Variants in EDIL3 observed in about 807,000 individuals in gnomAD.
EDIL3 encodes the protein EGF-like repeat and discoidin I-like domain-containing protein 3.
Under a neutral mutation model 67.4 loss-of-function variants are expected in EDIL3, and 37 were observed. The ratio of observed to expected loss-of-function variants is 0.55; its 90% confidence interval spans 0.42 to 0.72. The LOEUF (loss-of-function observed/expected upper bound fraction) is 0.72. Among genes scored for constraint, EDIL3 ranks in the 30% least tolerant of loss-of-function variants. The pLI is 0.00. For missense variants in EDIL3, 527 were observed against 586.3 expected (o/e 0.90, Z 1.04); for synonymous variants, 195 against 196.3 (o/e 0.99, Z 0.05).
At position 84,160,739 on chromosome 5, in the gene EDIL3, TCTTTTCTTTCCTTTCCTTTCCTTTC is replaced by T. The variant is rs1748588322; in HGVS notation, c.355+19629_355+19653del. On this transcript the variant is annotated intron_variant, in intron 4 of 10. Transcript: ENST00000296591. ...TTTCATTTTCTTCTTTTTTTTCTTTTCTTTTCTTTCCTTTCCTTTCCTTTCCTTTCCTTTCCTTTCCTTTCCTTTC... is the reference window on the plus strand; with the variant it reads ...TTTCATTTTCTTCTTTTTTTTCTTTTCTTTCCTTTCCTTTCCTTTCCTTTC... Among the ~76,000 whole-genome samples, 4 of 120,540 alleles carry T rather than the reference TCTTTTCTTTCCTTTCCTTTCCTTTC, an allele frequency of 3.3e-5. 1 individual carries two copies. The highest frequency in any genetic ancestry group is 5.8e-5 in the African/African-American group (2 of 34,754). 79.1% of individuals were successfully genotyped at this position (120,540 alleles called of 152,430 possible).
chr5:84,315,876 C>T (rs1746502430), intron 1 of EDIL3, among the ~76,000 whole-genome samples: 1 of 152,124 alleles, frequency 6.6e-6, no homozygotes, highest in South Asian at 2.1e-4. Context: ...TCAAGTTACC[C>T]ACAAAGGGAA....
intron 6 of EDIL3, among the ~76,000 whole-genome samples, chr5:84,098,859 C>A (rs1747312345): frequency 6.6e-6 from 1 of 152,040 alleles, no homozygotes; most frequent in Non-Finnish European, 1.5e-5. Flanking sequence ...ACTAGGGAAC[C>A]AAGAGCAAAC....
intron 3 of EDIL3, among the ~76,000 whole-genome samples, chr5:84,201,504 G>A (rs79561946): frequency 0.01 from 1,585 of 152,004 alleles, 33 homozygotes; most frequent in African/African-American, 0.036. Context: ...TGTTTTTCTG[G>A]GTCAGAAAGC....
intron 4 of EDIL3, among the ~76,000 whole-genome samples, chr5:84,157,027 A>C (rs1460308749): frequency 6.6e-6 from 1 of 152,276 alleles, no homozygotes; most frequent in East Asian, 1.9e-4. Flanking sequence ...TTCATGCCAG[A>C]AATTAACCAT....
chr5:84,139,113 T>G (rs1748143923), intron 4 of EDIL3, among the ~76,000 whole-genome samples: 2 of 152,208 alleles, frequency 1.3e-5, no homozygotes, highest in African/African-American at 4.8e-5. Flanking sequence ...GGCGTGTGCC[T>G]ATAATCCCAG....
At chr5:84,045,579 T>A (rs529429338) in intron 9 of EDIL3, among the ~76,000 whole-genome samples, 1 of 152,172 alleles carries the variant, frequency 6.6e-6, no homozygotes, top group Non-Finnish European at 1.5e-5. Flanking sequence ...ACCTAGAAGC[T>A]GCAAGCAGAT....
intron 5 of EDIL3, among the ~76,000 whole-genome samples, chr5:84,136,498 G>C (rs1165158644): frequency 6.6e-6 from 1 of 151,678 alleles, no homozygotes; most frequent in Non-Finnish European, 1.5e-5. Context: ...TAGGTAAGTG[G>C]TGCTTTCTGC....
At chr5:84,331,098 T>G (rs1422659595) in intron 1 of EDIL3, among the ~76,000 whole-genome samples, 2 of 152,214 alleles carry the variant, frequency 1.3e-5, no homozygotes, top group Admixed American at 6.5e-5. Context: ...ATGGGCGTAT[T>G]TACCAAATGC....
chr5:84,224,018 T>G (rs1744400610), intron 3 of EDIL3, among the ~76,000 whole-genome samples: 1 of 151,344 alleles, frequency 6.6e-6, no homozygotes, highest in African/African-American at 2.4e-5. Flanking sequence ...CAGTTCCACT[T>G]GTAGTATTAA....
Position 84,201,816 on chromosome 5 carries a change from C to T in EDIL3, c.227-21295G>A, listed in dbSNP as rs149463098. 2.0e-5 allele frequency among the ~76,000 whole-genome samples: 3 copies of T among 152,004 alleles called. No homozygotes were observed. In the South Asian group the frequency reaches 6.2e-4, roughly 32 times the overall value. ...ACTATATTTTGAAAGGTGAAATAAT[C>T]AGTTACATGCCAAAATCCACATGAA... On this transcript the variant is annotated intron_variant, in intron 3 of 10. Transcript: ENST00000296591.
intron 6 of EDIL3, among the ~76,000 whole-genome samples, chr5:84,101,969 C>A (rs1369302852): frequency 6.6e-6 from 1 of 152,052 alleles, no homozygotes; most frequent in Non-Finnish European, 1.5e-5. Context: ...AGCTTATCCA[C>A]CATGATCAAG....
chr5:83,990,629 C>A (rs1745133255), intron 9 of EDIL3, among the ~76,000 whole-genome samples: 1 of 151,860 alleles, frequency 6.6e-6, no homozygotes, highest in Non-Finnish European at 1.5e-5. Flanking sequence ...GCCTGTAATC[C>A]CAGCATTTTG....
chr5:83,991,206 C>T (rs1745145328), intron 9 of EDIL3, among the ~76,000 whole-genome samples: 1 of 152,160 alleles, frequency 6.6e-6, no homozygotes, highest in Non-Finnish European at 1.5e-5. Flanking sequence ...AGAATCCCTA[C>T]ATCAACTGGC....
At chr5:84,323,031 C>T (rs558511459) in intron 1 of EDIL3, among the ~76,000 whole-genome samples, 2 of 151,866 alleles carry the variant, frequency 1.3e-5, no homozygotes, top group Non-Finnish European at 1.5e-5. Context: ...GGGACCTCAT[C>T]AGGACTAGAC....
At position 84,325,133 on chromosome 5, in the gene EDIL3, G is replaced by T. The variant is rs141685449; in HGVS notation, c.67+59175C>A. Among the ~76,000 whole-genome samples the T allele has an allele frequency of 1.2e-3, 186 of 151,906 alleles. 5 individuals are homozygous for T. The highest frequency in any genetic ancestry group is 0.012 in the Admixed American group (177 of 15,218). ...CATCAAAAGAAAAAATAGACAAAAT[G>T]AACTACATGATTTTTTTTAATTGTA... On this transcript the variant is annotated intron_variant, in intron 1 of 10. Transcript: ENST00000296591.
chr5:84,039,570 A>C (rs1224006455), intron 9 of EDIL3, among the ~76,000 whole-genome samples: 1 of 152,202 alleles, frequency 6.6e-6, no homozygotes, highest in Non-Finnish European at 1.5e-5. Context: ...ATCATTATCT[A>C]TTGACCGAAA....
chr5:84,241,071 A>T (rs867876290), intron 2 of EDIL3, among the ~76,000 whole-genome samples: 1 of 152,184 alleles, frequency 6.6e-6, no homozygotes, highest in African/African-American at 2.4e-5. Context: ...ACAGGAAGTG[A>T]TCTTTCCCCA....
At chr5:84,158,114 G>A (rs886950086) in intron 4 of EDIL3, among the ~76,000 whole-genome samples, 11 of 152,150 alleles carry the variant, frequency 7.2e-5, no homozygotes, top group Admixed American at 4.6e-4. Context: ...TGTAAAACCA[G>A]ATGTGCCAAA....
intron 1 of EDIL3, among the ~76,000 whole-genome samples, chr5:84,346,870 T>C (rs112191816): frequency 0.018 from 2,807 of 152,310 alleles, 97 homozygotes; most frequent in African/African-American, 0.064. Flanking sequence ...AACCAAGAGA[T>C]GGACTGAGAC....
Sources: allele counts gnomAD v4.1 joint callset (sites outside exome capture counted in the v4.1 genomes callset), GRCh38; gene constraint gnomAD v4.1.1; transcripts MANE v1.5; gene names NCBI Gene and HGNC (gene_info 2026-07-23, HGNC 2026-07-21).